KIAA0040: variants seen among roughly 807,000 people sequenced by gnomAD.
The protein encoded by KIAA0040 is KIAA0040.
KIAA0040 carries 10 observed loss-of-function variants against 7.2 expected under a neutral mutation model. The observed-to-expected ratio is 1.38, with a 90% CI of 0.85 to 2.34. The LOEUF (loss-of-function observed/expected upper bound fraction) is 2.34. Ranked by LOEUF, KIAA0040 falls within the 30% of genes most tolerant of loss-of-function variation. The pLI is 0.00. For missense variants in KIAA0040, 89 were observed against 108.2 expected, an observed-to-expected ratio of 0.82 and a Z score of 0.79; for synonymous variants, 49 against 40.1, an observed-to-expected ratio of 1.22 and a Z score of -0.84.
At chr1:175,185,783 A>G (rs757507016) in intron 1 of KIAA0040, among the ~76,000 whole-genome samples, 1 of 152,238 alleles carries the variant, frequency 6.6e-6, no homozygotes, top group Non-Finnish European at 1.5e-5. Flanking sequence ...GGTGGAAACA[A>G]CACAGATGTC....
At position 175,191,384 on chromosome 1, in the gene KIAA0040, C is replaced by T. The variant is rs78467020; in HGVS notation, c.-384+1256G>A. Among the ~76,000 whole-genome samples the T allele has an allele frequency of 6.5e-3, 992 of 152,300 alleles. 10 individuals are homozygous for T. The highest frequency in any genetic ancestry group is 0.03 in the East Asian group (153 of 5,186). Reference sequence around the variant, plus strand: ...TGACAATGCATGGAGGCCAAAGAAACTTTTGTTTTACAACGCATCTCTTTC... The same window carrying T: ...TGACAATGCATGGAGGCCAAAGAAATTTTTGTTTTACAACGCATCTCTTTC... On this transcript the variant is annotated intron_variant, in intron 1 of 3. Coordinates refer to ENST00000423313, the MANE Select transcript of KIAA0040 (RefSeq NM_014656.3).
intron 2 of KIAA0040, among the ~76,000 whole-genome samples, chr1:175,167,947 A>G (rs1451984537): frequency 6.7e-6 from 1 of 150,344 alleles, no homozygotes; most frequent in Non-Finnish European, 1.5e-5. Context: ...ACTCCTCACC[A>G]TCTCTCTTGG....
chr1:175,168,429 G>A (rs1481753087), intron 2 of KIAA0040, among the ~76,000 whole-genome samples: 1 of 152,042 alleles, frequency 6.6e-6, no homozygotes, highest in African/African-American at 2.4e-5. Flanking sequence ...TAGATATTCA[G>A]TATTAAAGGA....
chr1:175,182,061 G>A (rs1413250782), intron 1 of KIAA0040, among the ~76,000 whole-genome samples: 2 of 152,200 alleles, frequency 1.3e-5, no homozygotes, highest in Middle Eastern at 3.2e-3. Flanking sequence ...TCAAGGTTCT[G>A]GCCGTAGGAG....
intron 1 of KIAA0040, among the ~76,000 whole-genome samples, chr1:175,180,616 G>A (rs1677401414): frequency 6.6e-6 from 1 of 152,232 alleles, no homozygotes. Flanking sequence ...GTGCTCCTGA[G>A]TAGATCTCTT....
intron 2 of KIAA0040, among the ~76,000 whole-genome samples, chr1:175,168,811 C>T (rs1203977966): frequency 2.0e-5 from 3 of 152,184 alleles, no homozygotes; most frequent in Middle Eastern, 3.2e-3. Flanking sequence ...TTTCTGAGCA[C>T]GAGTGAGACC....
chr1:175,173,005 T>C (rs1677046253), intron 2 of KIAA0040, among the ~76,000 whole-genome samples: 1 of 152,204 alleles, frequency 6.6e-6, no homozygotes, highest in Non-Finnish European at 1.5e-5. Flanking sequence ...TTTGATCAGC[T>C]TTTCACTGAA....
At chr1:175,192,791 C>A, upstream of KIAA0040, 1 of 151,732 alleles carries the variant, frequency 6.6e-6, no homozygotes, top group South Asian at 1.9e-4. Context: ...TGTAGGGCCC[C>A]GGCGCCGGCC....
At chr1:175,191,347 C>A (rs537925395) in intron 1 of KIAA0040, among the ~76,000 whole-genome samples, 17 of 152,358 alleles carry the variant, frequency 1.1e-4, no homozygotes, top group African/African-American at 3.8e-4. Flanking sequence ...ACTCATTTCA[C>A]AGGCCAAATA....
chr1:175,185,658 A>C (rs1406657404), intron 1 of KIAA0040, among the ~76,000 whole-genome samples: 7 of 152,210 alleles, frequency 4.6e-5, no homozygotes, highest in African/African-American at 7.2e-5. Flanking sequence ...AAAAAGGTAA[A>C]GGTAGAATTA....
intron 2 of KIAA0040, among the ~76,000 whole-genome samples, chr1:175,175,851 G>A (rs1677164994): frequency 6.6e-6 from 1 of 151,772 alleles, no homozygotes; most frequent in Non-Finnish European, 1.5e-5. Flanking sequence ...ACAGGAAGGG[G>A]AACATCACAC....
intron 1 of KIAA0040, among the ~76,000 whole-genome samples, chr1:175,178,848 G>A (rs1677314292): frequency 6.6e-6 from 1 of 151,292 alleles, no homozygotes; most frequent in Admixed American, 6.6e-5. Context: ...CTGCAAAGTT[G>A]AATTTTCAAA....
intron 2 of KIAA0040, among the ~76,000 whole-genome samples, chr1:175,172,687 T>C (rs1359225133): frequency 6.6e-6 from 1 of 152,252 alleles, no homozygotes; most frequent in African/African-American, 2.4e-5. Flanking sequence ...GATATTGCCA[T>C]CTTTCTCAGA....
At chr1:175,176,972 C>A (rs533884643) in intron 2 of KIAA0040, among the ~76,000 whole-genome samples, 1 of 152,256 alleles carries the variant, frequency 6.6e-6, no homozygotes, top group East Asian at 1.9e-4. Flanking sequence ...TCACCCCCCT[C>A]GACACAGGGT....
At chr1:175,190,068 G>A (rs992573883) in intron 1 of KIAA0040, among the ~76,000 whole-genome samples, 1 of 152,166 alleles carries the variant, frequency 6.6e-6, no homozygotes, top group African/African-American at 2.4e-5. Context: ...TCCCACACAG[G>A]GGTAGGTAAC....
upstream of KIAA0040, chr1:175,192,817 G>GCCCCCCCCCCCCCCCCCCCCCCCCCC (rs1558405268): frequency 1.6e-5 from 2 of 123,536 alleles, no homozygotes; most frequent in Admixed American, 1.6e-4. Flanking sequence ...CGTGGGAGCC[G>GCCCCCCCCCCCCCCCCCCCCCCCCCC]CCCGCCCCGC....
intron 2 of KIAA0040, among the ~76,000 whole-genome samples, chr1:175,166,969 A>G (rs1676788659): frequency 6.6e-6 from 1 of 152,190 alleles, no homozygotes; most frequent in Non-Finnish European, 1.5e-5. Flanking sequence ...ACCCAGGACA[A>G]GCAAACCAGA....
intron 1 of KIAA0040, among the ~76,000 whole-genome samples, chr1:175,182,990 T>G (rs550894998): frequency 6.6e-6 from 1 of 152,324 alleles, no homozygotes; most frequent in African/African-American, 2.4e-5. Context: ...AAGACGCCAC[T>G]GTTCCATTAT....
At position 175,160,640 on chromosome 1, in the gene KIAA0040, G is replaced by A; in HGVS notation, c.*74C>T. ...CATGGACATAGTGCATTATTTCAGG[G>A]GTTCCTGAAATGTCTGTGTGTGGTC... On this transcript the variant is annotated 3_prime_UTR_variant, in exon 4 of 4. Transcript: ENST00000423313. The A allele has an allele frequency of 7.7e-7, 1 of 1,307,078 alleles. No homozygotes were observed. Among genetic ancestry groups the A allele is most frequent in the Non-Finnish European group, 1.0e-6 (1 of 968,516 alleles). The allele number at this position is 1,307,078 out of a possible 1,614,324, so 81.0% of individuals were successfully genotyped here.
Sources: gnomAD v4.1 joint callset for allele counts (sites outside exome capture counted in the v4.1 genomes callset) on GRCh38, gnomAD v4.1.1 for gene constraint, MANE v1.5 for transcripts, NCBI Gene and HGNC (gene_info 2026-07-23, HGNC 2026-07-21) for gene names.